Variants in HSD17B12 observed in about 807,000 individuals in gnomAD.
HSD17B12 encodes the protein very-long-chain 3-oxoacyl-CoA reductase.
In HSD17B12, 32 loss-of-function variants were observed where a neutral mutation model predicts 39.3. The ratio of observed to expected loss-of-function variants is 0.81; its 90% CI spans 0.61 to 1.09. The LOEUF (loss-of-function observed/expected upper bound fraction) is 1.09, where lower values mean the gene tolerates loss of function less well. Among genes scored for constraint, HSD17B12 ranks in the 50% least tolerant of loss-of-function variants. HSD17B12 has a pLI of 0.00. For missense variants in HSD17B12, 342 were observed against 382.9 expected (o/e 0.89, Z 0.89); for synonymous variants, 150 against 146.7 (o/e 1.02, Z -0.16).
intron 1 of HSD17B12, among the ~76,000 whole-genome samples, chr11:43,721,950 T>TC (rs1950180312): frequency 6.6e-6 from 1 of 152,176 alleles, no homozygotes; most frequent in Non-Finnish European, 1.5e-5. Flanking sequence ...AGGCTTGCAG[T>TC]CATCTAGGGG....
chr11:43,770,893 G>C (rs1356635741), intron 3 of HSD17B12, among the ~76,000 whole-genome samples: 1 of 152,132 alleles, frequency 6.6e-6, no homozygotes, highest in Non-Finnish European at 1.5e-5. Flanking sequence ...CTTATTTTCA[G>C]TGAAATTTAT....
chr11:43,734,084 C>T, intron 1 of HSD17B12: 2 of 1,031,996 alleles, frequency 1.9e-6, no homozygotes, highest in Admixed American at 1.7e-5. Context: ...TCACCAGCAT[C>T]GGAGAGGACT....
the HSD17B12 span, among the ~76,000 whole-genome samples, chr11:43,564,086 ATCC>A: frequency 6.6e-6 from 1 of 152,024 alleles, no homozygotes; most frequent in Non-Finnish European, 1.5e-5. Context: ...GACTGAAGTG[ATCC>A]TCCTGCCTTG....
At chr11:43,731,758 T>C (rs1470033774) in intron 1 of HSD17B12, among the ~76,000 whole-genome samples, 3 of 152,096 alleles carry the variant, frequency 2.0e-5, no homozygotes, top group Non-Finnish European at 4.4e-5. Flanking sequence ...GCCAAATATA[T>C]ATGTTCAGTA....
At chr11:43,578,753 C>G in the HSD17B12 span, 3 of 150,878 alleles carry the variant, frequency 2.0e-5, no homozygotes, top group East Asian at 5.9e-4. Flanking sequence ...ACTTGCAACA[C>G]GTGGAGCGGT....
chr11:43,760,043 C>T lies in HSD17B12; in HGVS notation c.283+5922C>T, dbSNP rs563791625. On this transcript the variant is annotated intron_variant, in intron 3 of 10. Coordinates refer to ENST00000278353, the MANE Select transcript of HSD17B12 (RefSeq NM_016142.3). ...CCTGGGTAACTGGGAATAAGAGGCA[C>T]GTGCCACCATGCCTGGCTAATTTTT... is the stretch of plus-strand genomic sequence containing the variant. Among the ~76,000 whole-genome samples the T allele has an allele frequency of 3.3e-5, 5 of 152,130 alleles. No individual in the cohort carries two copies. In the South Asian group the frequency reaches 8.3e-4, roughly 25 times the overall value.
chr11:43,629,095 A>T, the HSD17B12 span, among the ~76,000 whole-genome samples: 1 of 152,238 alleles, frequency 6.6e-6, no homozygotes, highest in South Asian at 2.1e-4. Context: ...GTGGATGTGG[A>T]CGTTGATTTC....
chr11:43,667,691 G>T, the HSD17B12 span, among the ~76,000 whole-genome samples: 2 of 152,118 alleles, frequency 1.3e-5, no homozygotes, highest in Non-Finnish European at 1.5e-5. Context: ...ACCATAGCCT[G>T]AGGTTAATTT....
intron 4 of HSD17B12, among the ~76,000 whole-genome samples, chr11:43,799,079 A>G (rs918640351): frequency 2.0e-5 from 3 of 152,148 alleles, no homozygotes; most frequent in Admixed American, 6.6e-5. Flanking sequence ...CATACAGTTG[A>G]GGAAATGAAG....
chr11:43,734,103 C>A, intron 1 of HSD17B12: 1 of 1,151,762 alleles, frequency 8.7e-7, no homozygotes, highest in Non-Finnish European at 1.3e-6. Flanking sequence ...CTATGATGAG[C>A]GTGTGCTGCC....
At chr11:43,695,975 C>G (rs1051016202) in intron 1 of HSD17B12, among the ~76,000 whole-genome samples, 1 of 152,062 alleles carries the variant, frequency 6.6e-6, no homozygotes, top group Non-Finnish European at 1.5e-5. Flanking sequence ...CATTATTTTT[C>G]CTGATCCTCT....
At chr11:43,763,588 A>G (rs189509364) in intron 3 of HSD17B12, among the ~76,000 whole-genome samples, 10,422 of 143,554 alleles carry the variant, frequency 0.073, 416 homozygotes, top group East Asian at 0.11. Flanking sequence ...TTATACCCTT[A>G]TATATATATA....
At chr11:43,630,746 C>T in the HSD17B12 span, among the ~76,000 whole-genome samples, 1 of 151,130 alleles carries the variant, frequency 6.6e-6, no homozygotes, top group Admixed American at 6.6e-5. Flanking sequence ...AATTAATATT[C>T]TTCTATTGAA....
At chr11:43,720,615 C>T (rs969473107) in intron 1 of HSD17B12, among the ~76,000 whole-genome samples, 1 of 152,098 alleles carries the variant, frequency 6.6e-6, no homozygotes. Flanking sequence ...CAAAGCAAGT[C>T]GCATATCCAA....
the HSD17B12 span, among the ~76,000 whole-genome samples, chr11:43,598,026 A>G: frequency 1.2e-4 from 18 of 152,282 alleles, no homozygotes; most frequent in Admixed American, 2.6e-4. Context: ...GACACCATTC[A>G]TATGACCAGG....
the HSD17B12 span, among the ~76,000 whole-genome samples, chr11:43,592,626 T>G: frequency 1.3e-5 from 2 of 152,328 alleles, 1 homozygote; most frequent in Middle Eastern, 6.8e-3. Flanking sequence ...ACTGTACTAT[T>G]GCATACATCC....
At chr11:43,568,755 TG>T in the HSD17B12 span, among the ~76,000 whole-genome samples, 55 of 152,192 alleles carry the variant, frequency 3.6e-4, no homozygotes, top group Non-Finnish European at 6.5e-4. Context: ...ACTTTTTGGT[TG>T]GTGTTGGTTG....
intron 6 of HSD17B12, among the ~76,000 whole-genome samples, chr11:43,819,242 T>C (rs970188525): frequency 6.6e-6 from 1 of 152,204 alleles, no homozygotes; most frequent in African/African-American, 2.4e-5. Flanking sequence ...TGTCTACACT[T>C]ACATGTTTGT....
chr11:43,731,849 T>C (rs1416963274), intron 1 of HSD17B12, among the ~76,000 whole-genome samples: 2 of 152,130 alleles, frequency 1.3e-5, no homozygotes, highest in African/African-American at 4.8e-5. Context: ...TTCCATGGCA[T>C]GGAACCCGTG....
Sources: gnomAD v4.1 joint callset for allele counts (sites outside exome capture counted in the v4.1 genomes callset) on GRCh38, gnomAD v4.1.1 for gene constraint, MANE v1.5 for transcripts, NCBI Gene and HGNC (gene_info 2026-07-23, HGNC 2026-07-21) for gene names.